Variants in ZNF81 observed in about 807,000 individuals in gnomAD.
ZNF81 encodes the protein zinc finger protein 81 (HFZ20).
A neutral mutation model predicts 32.3 loss-of-function variants in ZNF81; 5 were observed. That is an observed-to-expected ratio of 0.15 (90% CI 0.08 to 0.33). ZNF81 has a LOEUF of 0.33. ZNF81 is among the 10% of genes least tolerant of loss of function. ZNF81 has a pLI of 1.00. For synonymous variants in ZNF81, 163 were observed against 166.8 expected (o/e 0.98, Z 0.17); for missense variants, 379 against 479.8 (o/e 0.79, Z 1.96).
chrX:47,882,107 A>G (rs983432642), intron 2 of ZNF81, among the ~76,000 whole-genome samples: 3 of 111,517 alleles, frequency 2.7e-5, no homozygotes, highest in Admixed American at 9.5e-5. Context: ...CATATTTGAA[A>G]TATACTGAAT....
chrX:47,865,007 G>A (rs1556883059), intron 2 of ZNF81, among the ~76,000 whole-genome samples: 1 of 112,327 alleles, frequency 8.9e-6, no homozygotes, highest in Non-Finnish European at 1.9e-5. Flanking sequence ...TGCTGAGGTT[G>A]AACAGCCACA....
intron 2 of ZNF81, among the ~76,000 whole-genome samples, chrX:47,865,260 G>A (rs1156556730): frequency 8.9e-6 from 1 of 111,925 alleles, no homozygotes; most frequent in Non-Finnish European, 1.9e-5. Flanking sequence ...TTCCTACCTT[G>A]TTAGTCATCA....
intron 2 of ZNF81, among the ~76,000 whole-genome samples, chrX:47,879,130 T>G (rs1254663336): frequency 7.1e-5 from 8 of 112,172 alleles, no homozygotes; most frequent in Admixed American, 3.8e-4. Context: ...ATTTTAGGTC[T>G]GCTGATTTAA....
At chrX:47,847,524 T>G (rs2058475787) in intron 2 of ZNF81, among the ~76,000 whole-genome samples, 1 of 112,107 alleles carries the variant, frequency 8.9e-6, no homozygotes, top group African/African-American at 3.2e-5. Context: ...TGAAGAAATC[T>G]CTCCTGGAGC....
rs2058649230 is a variant in ZNF81, at chrX:47,888,080, T to C, written c.136T>C (p.Tyr46His). The C allele has an allele frequency of 8.3e-7, 1 of 1,208,400 alleles. No homozygotes were observed. Among genetic ancestry groups the C allele is most frequent in the Non-Finnish European group, 1.1e-6 (1 of 894,769 alleles). ...ACTGGACTCTACTCAAAGACGCCTGTACCAGGATGTAATGTTGGAGAACTA... is the reference window on the plus strand; with the variant it reads ...ACTGGACTCTACTCAAAGACGCCTGCACCAGGATGTAATGTTGGAGAACTA... Reference protein sequence around the residue: ...QQLDSTQRRLYQDVMLENYSH... With the variant: ...QQLDSTQRRLHQDVMLENYSH... The change falls in exon 3 of 5, where the codon TAC becomes CAC. Residue 46 changes from tyrosine to histidine, a missense_variant. Physicochemically the swap from Tyr to His is moderately conservative, Grantham distance 83. Transcript: ENST00000338637.
chrX:47,843,196 T>C (rs1043653194), intron 1 of ZNF81, among the ~76,000 whole-genome samples: 29 of 111,586 alleles, frequency 2.6e-4, no homozygotes, highest in African/African-American at 8.8e-4. Flanking sequence ...CTCTATTGTA[T>C]ATATATGGCA....
chrX:47,897,531 C>T (rs2058683856), intron 4 of ZNF81, among the ~76,000 whole-genome samples: 1 of 111,924 alleles, frequency 8.9e-6, no homozygotes, highest in African/African-American at 3.2e-5. Flanking sequence ...TTTTGGTGCC[C>T]ATCAAAGAGC....
intron 2 of ZNF81, among the ~76,000 whole-genome samples, chrX:47,866,310 A>G (rs183564078): frequency 4.7e-4 from 53 of 111,689 alleles, no homozygotes; most frequent in Non-Finnish European, 8.3e-4. Context: ...ATTCCTGGCA[A>G]CCCAGGAAAT....
At chrX:47,849,273 C>T (rs999176673) in intron 2 of ZNF81, among the ~76,000 whole-genome samples, 2 of 111,505 alleles carry the variant, frequency 1.8e-5, no homozygotes, top group Non-Finnish European at 3.8e-5. Flanking sequence ...AATGAGTTAT[C>T]CTTCCATAGG....
intron 2 of ZNF81, among the ~76,000 whole-genome samples, chrX:47,882,907 C>A (rs782502509): frequency 8.9e-6 from 1 of 112,549 alleles, no homozygotes. Flanking sequence ...ATGAGAATCC[C>A]TTGAATCCAG....
chrX:47,899,154 A>G (rs1335658050), intron 4 of ZNF81, among the ~76,000 whole-genome samples: 2 of 111,340 alleles, frequency 1.8e-5, no homozygotes, highest in African/African-American at 6.5e-5. Context: ...GAGTGTGGGC[A>G]TGTTTGTCTT....
chrX:47,865,657 A>G (rs1556883177), intron 2 of ZNF81, among the ~76,000 whole-genome samples: 1 of 112,013 alleles, frequency 8.9e-6, no homozygotes, highest in East Asian at 2.8e-4. Flanking sequence ...TTTATCCAAT[A>G]TAAAGGATCT....
intron 4 of ZNF81, among the ~76,000 whole-genome samples, chrX:47,905,069 G>T (rs1369045360): frequency 9.2e-6 from 1 of 109,145 alleles, no homozygotes; most frequent in Admixed American, 9.8e-5. Context: ...GTTGTGGGGT[G>T]GGGGGAGGAG....
At chrX:47,889,731 A>G (rs1229313091) in intron 3 of ZNF81, among the ~76,000 whole-genome samples, 1 of 112,071 alleles carries the variant, frequency 8.9e-6, no homozygotes, top group Non-Finnish European at 1.9e-5. Context: ...CTTCTGAGGA[A>G]GCCTCAGGAA....
chrX:47,868,611 A>G (rs986624378), intron 2 of ZNF81, among the ~76,000 whole-genome samples: 2 of 111,236 alleles, frequency 1.8e-5, no homozygotes, highest in East Asian at 5.7e-4. Context: ...GATGTGATTC[A>G]TCCAGTTTGT....
intron 4 of ZNF81, among the ~76,000 whole-genome samples, chrX:47,911,996 C>T (rs1318082392): frequency 9.1e-6 from 1 of 110,117 alleles, no homozygotes; most frequent in African/African-American, 3.4e-5. Flanking sequence ...TGTAAGCTCA[C>T]GTGAGCAGCT....
At chrX:47,852,946 C>T (rs1273072424) in intron 2 of ZNF81, among the ~76,000 whole-genome samples, 1 of 112,587 alleles carries the variant, frequency 8.9e-6, no homozygotes, top group East Asian at 2.8e-4. Context: ...GTTGAAATTA[C>T]TCTTTGATCT....
In ZNF81 at chrX:47,860,178, C is replaced by CTT. The variant is rs35562353; in HGVS notation, c.54+13871_54+13872dup. On this transcript the variant is annotated intron_variant, in intron 2 of 4. Coordinates refer to ENST00000338637, the MANE Select transcript of ZNF81 (RefSeq NM_007137.5). ...GCATCTTTTGTTCTAATGAGATGAC[C>CTT]TTTTTTTTTTTTTTTGAGATGGAAT... 6.8e-4 allele frequency among the ~76,000 whole-genome samples: 62 copies of CTT among 91,644 alleles called. 2 individuals carry two copies. The highest frequency in any genetic ancestry group is 1.7e-3 in the South Asian group (3 of 1,808). The allele number at this position is 91,644 out of a possible 115,157, so 79.6% of individuals were successfully genotyped here. A position where few individuals can be genotyped will look rare whatever the true frequency, so the allele number is the denominator to read the frequency against.
intron 2 of ZNF81, among the ~76,000 whole-genome samples, chrX:47,878,822 AGTTCT>A (rs1337899873): frequency 8.9e-6 from 1 of 112,446 alleles, no homozygotes; most frequent in African/African-American, 3.2e-5. Context: ...GTTATCCTAT[AGTTCT>A]GTAGTTCAGA....
Sources: gnomAD v4.1 joint callset for allele counts (sites outside exome capture counted in the v4.1 genomes callset) on GRCh38, gnomAD v4.1.1 for gene constraint, MANE v1.5 for transcripts, NCBI Gene and HGNC (gene_info 2026-07-23, HGNC 2026-07-21) for gene names.